Variants in FGFBP1 observed in about 807,000 individuals in gnomAD.
FGFBP1 encodes the protein fibroblast growth factor binding protein 1.
A neutral mutation model predicts 14.6 loss-of-function variants in FGFBP1; 12 were observed. The ratio of observed to expected loss-of-function variants is 0.82; its 90% CI spans 0.53 to 1.33. FGFBP1 has a LOEUF of 1.33. FGFBP1 is among the 40% of genes most tolerant of loss of function. FGFBP1 has a pLI of 0.00. For missense variants in FGFBP1, 317 were observed against 271.8 expected (o/e 1.17, Z -1.17); for synonymous variants, 117 against 105.0 (o/e 1.11, Z -0.70).
Position 15,936,104 on chromosome 4 carries a change from T to G in FGFBP1, c.529A>C (p.Lys177Gln). The part of the protein sequence containing the change: ...EMSPREHIKG[K>Q]ETTPSSLAVT... ...GCTAGGCTAGAGGGGGTGGTCTCTT[T>G]GCCTTTGATGTGCTCCCTGGGGGAC... Residue 177 changes from lysine (K) to glutamine (Q), a missense_variant, in exon 3 of 3, where the codon AAA becomes CAA. Coordinates refer to ENST00000382333, the MANE Select transcript of FGFBP1 (RefSeq NM_005130.5). The G allele has an allele frequency of 6.2e-7, 1 of 1,614,104 alleles. No homozygotes were observed. Among genetic ancestry groups the G allele is most frequent in the Non-Finnish European group, 8.5e-7 (1 of 1,179,990 alleles).
chr4:15,935,857 A>C lies in FGFBP1; in HGVS notation c.*71T>G. On this transcript the variant is annotated 3_prime_UTR_variant, in exon 3 of 3. Coordinates refer to ENST00000382333, the MANE Select transcript of FGFBP1 (RefSeq NM_005130.5). Reference sequence around the variant, plus strand: ...AGTTCATATTTTGGGGGGACTGTAGAGAGCTTTAAAGTATACAGAGGGACT... The same window carrying C: ...AGTTCATATTTTGGGGGGACTGTAGCGAGCTTTAAAGTATACAGAGGGACT... 1 of 928,462 alleles carries C rather than the reference A, an allele frequency of 1.1e-6. No individual in the cohort carries two copies. Among genetic ancestry groups the C allele is most frequent in the Non-Finnish European group, 1.6e-6 (1 of 619,844 alleles). The allele number at this position is 928,462 out of a possible 1,614,324, so 57.5% of individuals were successfully genotyped here. A position where few individuals can be genotyped will look rare whatever the true frequency, so the allele number is the denominator to read the frequency against.
In FGFBP1 at chr4:15,935,844, G is replaced by T. The variant is rs1241901673; in HGVS notation, c.*84C>A. ...CACTAAGCACAAAAGTTCATATTTTGGGGGGACTGTAGAGAGCTTTAAAGT... is the reference window on the plus strand; with the variant it reads ...CACTAAGCACAAAAGTTCATATTTTTGGGGGACTGTAGAGAGCTTTAAAGT... On this transcript the variant is annotated 3_prime_UTR_variant, in exon 3 of 3. Coordinates refer to ENST00000382333, the MANE Select transcript of FGFBP1 (RefSeq NM_005130.5). 1.2e-5 allele frequency: 9 copies of T among 769,016 alleles called. No individual in the cohort carries two copies. The highest frequency in any genetic ancestry group is 1.8e-5 in the Non-Finnish European group (9 of 496,976). The allele number at this position is 769,016 out of a possible 1,614,324, so 47.6% of individuals were successfully genotyped here.
At chr4:15,937,216 T>C (rs1189523401) in intron 2 of FGFBP1, among the ~76,000 whole-genome samples, 2 of 137,248 alleles carry the variant, frequency 1.5e-5, no homozygotes, top group Non-Finnish European at 3.1e-5. Flanking sequence ...ACATGACAGA[T>C]GCCCAAAATG....
chr4:15,935,720 C>T lies in FGFBP1; in HGVS notation c.*208G>A, dbSNP rs1485643135. On this transcript the variant is annotated 3_prime_UTR_variant, in exon 3 of 3. Coordinates refer to ENST00000382333, the MANE Select transcript of FGFBP1 (RefSeq NM_005130.5). The stretch of plus-strand genomic sequence containing the variant: ...GTGTGGGCCATGGAAATACATGCTG[C>T]AGGAAACAGCCTCTGAACATCGCAT... The T allele has an allele frequency of 8.8e-6, 4 of 452,732 alleles. No homozygotes were observed. Among genetic ancestry groups the T allele is most frequent in the Non-Finnish European group, 1.2e-5 (3 of 258,098 alleles). 28.0% of individuals were successfully genotyped at this position (452,732 alleles called of 1,614,324 possible). A position where few individuals can be genotyped will look rare whatever the true frequency, so the allele number is the denominator to read the frequency against.
At chr4:15,936,697 G>C (rs1454213314) in intron 2 of FGFBP1, 45 bp from the exon 3 acceptor site, 6 of 1,260,598 alleles carry the variant, frequency 4.8e-6, no homozygotes, top group Non-Finnish European at 6.7e-6. Context: ...CAGCAGTTCA[G>C]CTGTGCAGGA....
In FGFBP1 at chr4:15,936,050, G is replaced by T. The variant is rs139936568; in HGVS notation, c.583C>A (p.Pro195Thr). Residue 195 changes from proline to threonine, a missense_variant, in exon 3 of 3, where the codon CCC (proline) becomes ACC (threonine). Pro to Thr is a conservative substitution (Grantham distance 38). Transcript: ENST00000382333. Reference sequence around the variant, plus strand: ...ATATCTGGGTCCTCCACACACTCGGGAGCTTTGGTGGCCATGGTCTGGGTC... The same window carrying T: ...ATATCTGGGTCCTCCACACACTCGGTAGCTTTGGTGGCCATGGTCTGGGTC... ...AVTQTMATKAPECVEDPDMAN... is the reference protein window; with the variant it reads ...AVTQTMATKATECVEDPDMAN... 5.9e-5 allele frequency: 96 copies of T among 1,614,160 alleles called. No individual in the cohort carries two copies. In the African/African-American group the frequency reaches 1.2e-3, roughly 20 times the overall value.
At position 15,936,431 on chromosome 4, in the gene FGFBP1, A is replaced by C. The variant is rs1475257338; in HGVS notation, c.202T>G (p.Cys68Gly). The part of the protein sequence containing the change: ...GKFVTKDQAN[C>G]RWAATEQEEG... ...TCCTGCTCAGTAGCAGCCCATCTGC[A>C]GTTGGCTTGGTCTTTGGTGACAAAC... The change falls in exon 3 of 3, where the codon TGC (cysteine) becomes GGC (glycine). Residue 68 changes from cysteine (C) to glycine (G), a missense_variant. Physicochemically the swap from Cys to Gly is radical, Grantham distance 159. Transcript: ENST00000382333. The C allele has an allele frequency of 1.2e-6, 2 of 1,614,212 alleles. No homozygotes were observed. Among genetic ancestry groups the C allele is most frequent in the South Asian group, 2.2e-5 (2 of 91,086 alleles).
In FGFBP1 at chr4:15,936,432, G is replaced by T. The variant is rs969345560; in HGVS notation, c.201C>A (p.Asn67Lys). ...KGKFVTKDQA[N>K]CRWAATEQEE... The stretch of plus-strand genomic sequence containing the variant: ...CCTGCTCAGTAGCAGCCCATCTGCA[G>T]TTGGCTTGGTCTTTGGTGACAAACT... The change falls in exon 3 of 3, where the codon AAC becomes AAA. Residue 67 changes from asparagine (N) to lysine (K), a missense_variant. By Grantham distance (94) the Asn-to-Lys change is moderately conservative. Transcript: ENST00000382333. 1.8e-5 allele frequency: 29 copies of T among 1,614,116 alleles called. No homozygotes were observed. Among genetic ancestry groups the T allele is most frequent in the Non-Finnish European group, 2.5e-5 (29 of 1,180,052 alleles).
rs1712470764 is a variant in FGFBP1, at chr4:15,936,090, G to A, written c.543C>T (p.Pro181=). The change falls in exon 3 of 3, where the codon CCC becomes CCT. Residue 181 remains proline, a synonymous_variant. Transcript: ENST00000382333. ...TGGTCTGGGTCACTGCTAGGCTAGA[G>A]GGGGTGGTCTCTTTGCCTTTGATGT... ...REHIKGKETT[P]SSLAVTQTMA... 2 of 1,614,086 alleles carry A rather than the reference G, an allele frequency of 1.2e-6. No homozygotes were observed. Among genetic ancestry groups the A allele is most frequent in the Non-Finnish European group, 1.7e-6 (2 of 1,179,988 alleles).
At chr4:15,938,537 C>T (rs991950215) in intron 1 of FGFBP1, 66 bp from the exon 2 acceptor site, 1 of 152,506 alleles carries the variant, frequency 6.6e-6, no homozygotes, top group Non-Finnish European at 1.5e-5. Flanking sequence ...TAGGCCCTTC[C>T]CTGTCCACCC....
chr4:15,936,602 A>G lies in FGFBP1; in HGVS notation c.31T>C (p.Phe11Leu), dbSNP rs1315500139. 3 of 1,612,154 alleles carry G rather than the reference A, an allele frequency of 1.9e-6. No homozygotes were observed. The East Asian group carries it at 6.7e-5, about 36-fold the overall frequency. MKICSLTLLS[F>L]LLLAAQVLLV... ...AGCACCTGAGCAGCCAGTAGGAGGA[A>G]GGAGAGCAGGGTGAGGCTACAGATC... The change falls in exon 3 of 3, where the codon TTC becomes CTC. Residue 11 changes from phenylalanine to leucine, a missense_variant. Coordinates refer to ENST00000382333, the MANE Select transcript of FGFBP1 (RefSeq NM_005130.5).
At position 15,938,689 on chromosome 4, in the gene FGFBP1, G is replaced by A. The variant is rs1004908788; in HGVS notation, c.-244C>T. The A allele has an allele frequency of 3.3e-5, 5 of 152,190 alleles. No individual in the cohort carries two copies. Among genetic ancestry groups the A allele is most frequent in the Non-Finnish European group, 7.3e-5 (5 of 68,060 alleles). The allele number at this position is 152,190 out of a possible 1,614,324, so 9.4% of individuals were successfully genotyped here. On this transcript the variant is annotated splice_region_variant and 5_prime_UTR_variant, in exon 1 of 3. Transcript: ENST00000382333. Reference sequence around the variant, plus strand: ...CCAAACTACTGAGCCCATTTTACCTGAGTTCTCCTTTTCCCTCATCACATC... The same window carrying A: ...CCAAACTACTGAGCCCATTTTACCTAAGTTCTCCTTTTCCCTCATCACATC...
chr4:15,935,819 C>T lies in FGFBP1; in HGVS notation c.*109G>A. ...ACTTGTTTAAATATTTCGTTGCACT[C>T]ACTAAGCACAAAAGTTCATATTTTG... On this transcript the variant is annotated 3_prime_UTR_variant, in exon 3 of 3. Transcript: ENST00000382333. 1 of 665,866 alleles carries T rather than the reference C, an allele frequency of 1.5e-6. No homozygotes were observed. The highest frequency in any genetic ancestry group is 2.5e-6 in the Non-Finnish European group (1 of 406,152). The allele number at this position is 665,866 out of a possible 1,614,324, so 41.2% of individuals were successfully genotyped here.
Position 15,935,954 on chromosome 4 carries a change from T to C in FGFBP1, c.679A>G (p.Ser227Gly). The C allele has an allele frequency of 6.2e-7, 1 of 1,611,872 alleles. No homozygotes were observed. Among genetic ancestry groups the C allele is most frequent in the Non-Finnish European group, 8.5e-7 (1 of 1,178,928 alleles). ...TAGCATGACGTGTCCTGCACTATGCTGAGGAAGAATGTGCAGAGAGAGCTC... is the reference window on the plus strand; with the variant it reads ...TAGCATGACGTGTCCTGCACTATGCCGAGGAAGAATGTGCAGAGAGAGCTC... ...TWSSLCTFFL[S>G]IVQDTSC The change falls in exon 3 of 3, where the codon AGC becomes GGC. Residue 227 changes from serine to glycine, a missense_variant. Coordinates refer to ENST00000382333, the MANE Select transcript of FGFBP1 (RefSeq NM_005130.5).
chr4:15,938,609 C>T (rs902165245), intron 1 of FGFBP1, 78 bp downstream of exon 1: 5 of 152,252 alleles, frequency 3.3e-5, no homozygotes, highest in African/African-American at 1.2e-4. Flanking sequence ...GGAGAGGACC[C>T]CAGCAGTGAT....
chr4:15,936,859 T>G (rs1232613023), intron 2 of FGFBP1, among the ~76,000 whole-genome samples: 1 of 152,202 alleles, frequency 6.6e-6, no homozygotes, highest in Non-Finnish European at 1.5e-5. Context: ...AGTACCACTC[T>G]TTGGAGCCTC....
chr4:15,936,365 G>T lies in FGFBP1; in HGVS notation c.268C>A (p.His90Asn), dbSNP rs1190182984. Residue 90 changes from histidine to asparagine, a missense_variant, in exon 3 of 3, where the codon CAT (histidine) becomes AAT (asparagine). Physicochemically the swap from His to Asn is moderately conservative, Grantham distance 68. Transcript: ENST00000382333. ...CCAGCAAAGACACAGGAAAATTCAT[G>T]GTCCAATTGAGTGCACTCAACCTTG... ...SLKVECTQLD[H>N]EFSCVFAGNP... The T allele has an allele frequency of 6.2e-7, 1 of 1,614,096 alleles. No individual in the cohort carries two copies. Among genetic ancestry groups the T allele is most frequent in the Non-Finnish European group, 8.5e-7 (1 of 1,180,044 alleles).
chr4:15,936,947 A>G (rs994516906), intron 2 of FGFBP1, among the ~76,000 whole-genome samples: 2 of 152,128 alleles, frequency 1.3e-5, no homozygotes, highest in African/African-American at 4.8e-5. Context: ...CACTCATTCA[A>G]CAAGCATTTA....
Position 15,937,324 on chromosome 4 carries a change from GC to G in FGFBP1, c.-20-673del, listed in dbSNP as rs1197835305. 3.3e-5 allele frequency among the ~76,000 whole-genome samples: 5 copies of G among 152,208 alleles called. No individual in the cohort carries two copies. In the East Asian group the frequency reaches 9.7e-4, roughly 30 times the overall value. ...TGGGTGGGGTTGTGGGGGTGGGGGA[GC>G]TTTTTGTGGGGAAGTAAGAGTTTAA... is the stretch of plus-strand genomic sequence containing the variant. On this transcript the variant is annotated intron_variant, in intron 2 of 2. Coordinates refer to ENST00000382333, the MANE Select transcript of FGFBP1 (RefSeq NM_005130.5).
Sources: gnomAD v4.1 joint callset for allele counts (sites outside exome capture counted in the v4.1 genomes callset) on GRCh38, gnomAD v4.1.1 for gene constraint, MANE v1.5 for transcripts, NCBI Gene and HGNC (gene_info 2026-07-23, HGNC 2026-07-21) for gene names.